PUM2: variants seen among roughly 807,000 people sequenced by gnomAD.
PUM2 encodes pumilio homolog 2.
A neutral mutation model predicts 124.5 loss-of-function variants in PUM2; 57 were observed. That is an observed-to-expected ratio of 0.46 (90% confidence interval 0.37 to 0.57). PUM2 has a LOEUF of 0.57. Ranked by LOEUF, PUM2 falls within the 20% of genes least tolerant of loss-of-function variation. The pLI is 0.00. For missense variants in PUM2, 1,065 were observed against 1,290.6 expected (o/e 0.83, Z 2.68); for synonymous variants, 460 against 446.1 (o/e 1.03, Z -0.39).
Position 20,308,331 on chromosome 2 carries a change from A to G in PUM2, c.772T>C (p.Tyr258His), listed in dbSNP as rs1678821829. ...SSGATVGLFD[Y>H]NSQQQLFQRT... ...GCTTTTACCTGCTGCTGGGAATTGT[A>G]GTCAAAAAGGCCTACAGTAGCTCCT... Residue 258 changes from tyrosine (Y) to histidine (H), a missense_variant, in exon 6 of 21, where the codon TAC becomes CAC. Transcript: ENST00000361078. 1 of 1,613,600 alleles carries G rather than the reference A, an allele frequency of 6.2e-7. No homozygotes were observed. Among genetic ancestry groups the G allele is most frequent in the Non-Finnish European group, 8.5e-7 (1 of 1,179,682 alleles).
Position 20,308,176 on chromosome 2 carries a change from C to T in PUM2, c.790-105G>A. 3 of 1,482,642 alleles carry T rather than the reference C, an allele frequency of 2.0e-6. No individual in the cohort carries two copies. In the East Asian group the frequency reaches 7.1e-5, roughly 35 times the overall value. The allele number at this position is 1,482,642 out of a possible 1,614,324, so 91.8% of individuals were successfully genotyped here. A position where few individuals can be genotyped will look rare whatever the true frequency, so the allele number is the denominator to read the frequency against. ...AACATTTTTTCTTTGGGAGGACTTT[C>T]TCAAATACAGGACACTTTAATCAAT... On this transcript the variant is annotated intron_variant, in intron 6 of 20. Transcript: ENST00000361078.
intron 17 of PUM2, 51 bp downstream of exon 17, chr2:20,255,982 A>T: frequency 6.8e-7 from 1 of 1,465,136 alleles, no homozygotes; most frequent in Non-Finnish European, 9.0e-7. Flanking sequence ...GATATTCAAA[A>T]TTCTAAAATA....
chr2:20,296,087 C>T (rs1675459854), intron 8 of PUM2, among the ~76,000 whole-genome samples: 1 of 152,176 alleles, frequency 6.6e-6, no homozygotes, highest in Non-Finnish European at 1.5e-5. Flanking sequence ...CTTATAGAAT[C>T]ACATCCAAGT....
intron 2 of PUM2, among the ~76,000 whole-genome samples, chr2:20,319,910 TAGAA>T (rs1372701142): frequency 3.9e-5 from 6 of 151,918 alleles, no homozygotes; most frequent in East Asian, 1.9e-4. Flanking sequence ...GAATAACAAA[TAGAA>T]AGAACAAGGA....
At chr2:20,297,699 A>T in intron 7 of PUM2, 21 bp from the exon 8 acceptor site, 1 of 1,602,170 alleles carries the variant, frequency 6.2e-7, no homozygotes, top group Non-Finnish European at 8.5e-7. Context: ...AAAGGGGAGA[A>T]ATAATAAACA....
intron 1 of PUM2, among the ~76,000 whole-genome samples, chr2:20,336,758 G>T (rs1197136380): frequency 3.5e-5 from 1 of 28,392 alleles, no homozygotes; most frequent in Admixed American, 3.5e-4. Context: ...CTGTGTGTGT[G>T]TGTGTGTGTG....
chr2:20,334,277 C>T (rs1442520240), intron 1 of PUM2, among the ~76,000 whole-genome samples: 1 of 152,090 alleles, frequency 6.6e-6, no homozygotes, highest in Non-Finnish European at 1.5e-5. Flanking sequence ...CGCTCCACTG[C>T]ACTCCAGATT....
chr2:20,258,148 T>G (rs930439661), intron 16 of PUM2, 95 bp downstream of exon 16: 2 of 1,163,156 alleles, frequency 1.7e-6, no homozygotes, highest in Non-Finnish European at 1.2e-6. Context: ...AATATTTAAG[T>G]CTTTTCACTT....
intron 2 of PUM2, among the ~76,000 whole-genome samples, chr2:20,325,634 T>TG: frequency 6.6e-6 from 1 of 151,990 alleles, no homozygotes; most frequent in South Asian, 2.1e-4. Flanking sequence ...CTTTTTTTTT[T>TG]TTTTTGAGAC....
At position 20,290,709 on chromosome 2, in the gene PUM2, C is replaced by T; in HGVS notation, c.1234G>A (p.Ala412Thr). ...GCCAATGTTGGATTTGCTGCTGCAGCTGCCGCAAGTGATTCTGCTTGCTGC... is the reference window on the plus strand; with the variant it reads ...GCCAATGTTGGATTTGCTGCTGCAGTTGCCGCAAGTGATTCTGCTTGCTGC... ...QGQQAESLAAAAAANPTLAFG... is the reference protein window; with the variant it reads ...QGQQAESLAATAAANPTLAFG... Residue 412 changes from alanine to threonine, a missense_variant, in exon 10 of 21, where the codon GCT becomes ACT. By Grantham distance (58) the Ala-to-Thr change is moderately conservative. Transcript: ENST00000361078. 1 of 1,613,596 alleles carries T rather than the reference C, an allele frequency of 6.2e-7. No individual in the cohort carries two copies. The highest frequency in any genetic ancestry group is 8.5e-7 in the Non-Finnish European group (1 of 1,179,944).
chr2:20,278,775 ATAGAGACT>A lies in PUM2; in HGVS notation c.1757_1764del (p.Glu586ValfsTer3). 1 of 1,613,628 alleles carries A rather than the reference ATAGAGACT, an allele frequency of 6.2e-7. No homozygotes were observed. Among genetic ancestry groups the A allele is most frequent in the Non-Finnish European group, 8.5e-7 (1 of 1,179,640 alleles). On this transcript the variant is annotated frameshift_variant, in exon 13 of 21. Coordinates refer to ENST00000361078, the MANE Select transcript of PUM2 (RefSeq NM_015317.5). LOFTEE classifies it high-confidence loss of function. ...CTTTTGTACAAGTCAGAGCTAGTAG[ATAGAGACT>A]CTCTCCTTGTGGCACTACTACTTGC...
chr2:20,335,695 T>C (rs1685852911), intron 1 of PUM2, among the ~76,000 whole-genome samples: 2 of 152,226 alleles, frequency 1.3e-5, no homozygotes, highest in African/African-American at 2.4e-5. Context: ...GACTCAATTA[T>C]AATAAGGAAA....
chr2:20,309,228 A>C (rs536894686), intron 5 of PUM2, among the ~76,000 whole-genome samples: 1 of 152,244 alleles, frequency 6.6e-6, no homozygotes, highest in South Asian at 2.1e-4. Context: ...CAGTCTTCTT[A>C]TTGAGGAGAC....
chr2:20,278,536 C>T, intron 13 of PUM2, 47 bp downstream of exon 13: 1 of 1,413,492 alleles, frequency 7.1e-7, no homozygotes, highest in Non-Finnish European at 9.9e-7. Context: ...CACAAACACA[C>T]ATACATGTAT....
intron 13 of PUM2, among the ~76,000 whole-genome samples, chr2:20,273,283 G>A (rs1339122352): frequency 1.3e-5 from 2 of 152,138 alleles, no homozygotes; most frequent in Non-Finnish European, 2.9e-5. Flanking sequence ...TCATTGTAAC[G>A]AGCAAACCCT....
chr2:20,284,869 C>T (rs890650321), intron 10 of PUM2, among the ~76,000 whole-genome samples: 2 of 152,126 alleles, frequency 1.3e-5, no homozygotes, highest in African/African-American at 4.8e-5. Flanking sequence ...TTAGTAAATA[C>T]AGTAATTCTG....
At chr2:20,308,250 A>G in intron 6 of PUM2, 64 bp downstream of exon 6, 2 of 1,543,948 alleles carry the variant, frequency 1.3e-6, no homozygotes. Flanking sequence ...AATGCCACAT[A>G]GCACTTCAGG....
chr2:20,305,297 C>CA (rs1677950127), intron 7 of PUM2, among the ~76,000 whole-genome samples: 1 of 151,652 alleles, frequency 6.6e-6, no homozygotes, highest in African/African-American at 2.4e-5. Context: ...CCAGCCTGGA[C>CA]AATAGGGTGA....
chr2:20,344,416 AAACT>A (rs972200691), intron 1 of PUM2, among the ~76,000 whole-genome samples: 2 of 152,296 alleles, frequency 1.3e-5, no homozygotes, highest in Non-Finnish European at 2.9e-5. Flanking sequence ...TAATCCAGGA[AAACT>A]AACTACACAG....
Sources: allele counts gnomAD v4.1 joint callset (sites outside exome capture counted in the v4.1 genomes callset), GRCh38; gene constraint gnomAD v4.1.1; transcripts MANE v1.5; gene names NCBI Gene and HGNC (gene_info 2026-07-23, HGNC 2026-07-21).